GPC6: variants seen among roughly 807,000 people sequenced by gnomAD.
The protein encoded by GPC6 is glypican 6, also known as glypican-6.
A neutral mutation model predicts 55.2 loss-of-function variants in GPC6; 14 were observed. The observed-to-expected ratio is 0.25, with a 90% CI of 0.17 to 0.40. The LOEUF (loss-of-function observed/expected upper bound fraction) is 0.40, where lower values mean the gene tolerates loss of function less well. Among genes scored for constraint, GPC6 ranks in the 10% least tolerant of loss-of-function variants. The pLI is 1.00. For synonymous variants in GPC6, 278 were observed against 259.6 expected (o/e 1.07, Z -0.68); for missense variants, 641 against 708.5 (o/e 0.90, Z 1.08).
chr13:93,682,844 CAAA>C (rs34479352), intron 2 of GPC6, among the ~76,000 whole-genome samples: 1 of 108,856 alleles, frequency 9.2e-6, no homozygotes, highest in Non-Finnish European at 1.8e-5. Context: ...CCTGTCTCTA[CAAA>C]AAAAAAAAAA....
chr13:94,257,811 C>T (rs146408379), intron 4 of GPC6, among the ~76,000 whole-genome samples: 51 of 152,250 alleles, frequency 3.3e-4, no homozygotes, highest in Non-Finnish European at 7.4e-5. Flanking sequence ...CCCCATTTCC[C>T]GTATTGAGAA....
chr13:93,762,912 A>T (rs1014961016), intron 2 of GPC6, among the ~76,000 whole-genome samples: 20 of 152,320 alleles, frequency 1.3e-4, no homozygotes, highest in African/African-American at 4.3e-4. Flanking sequence ...TGCCAAGAAG[A>T]CATTGCATAA....
At chr13:93,607,409 C>T (rs1282731943) in intron 2 of GPC6, among the ~76,000 whole-genome samples, 7 of 152,156 alleles carry the variant, frequency 4.6e-5, no homozygotes, top group Admixed American at 4.6e-4. Flanking sequence ...GTAAACAATG[C>T]CAGGTCCTTG....
At chr13:93,642,488 T>C (rs1290648443) in intron 2 of GPC6, among the ~76,000 whole-genome samples, 1 of 152,226 alleles carries the variant, frequency 6.6e-6, no homozygotes, top group East Asian at 1.9e-4. Context: ...GGTAGAATGA[T>C]TTATTGTCCT....
intron 4 of GPC6, among the ~76,000 whole-genome samples, chr13:94,208,108 A>G (rs1050082326): frequency 6.6e-6 from 1 of 152,266 alleles, no homozygotes; most frequent in Non-Finnish European, 1.5e-5. Flanking sequence ...TGTAGGTTGC[A>G]TTCATTTATT....
At chr13:93,785,650 T>A (rs1156396085) in intron 2 of GPC6, among the ~76,000 whole-genome samples, 1 of 152,130 alleles carries the variant, frequency 6.6e-6, no homozygotes, top group Non-Finnish European at 1.5e-5. Context: ...TCACTAGACA[T>A]TTGTTAATTT....
At chr13:93,614,122 A>G (rs915050929) in intron 2 of GPC6, among the ~76,000 whole-genome samples, 1 of 152,198 alleles carries the variant, frequency 6.6e-6, no homozygotes, top group African/African-American at 2.4e-5. Context: ...TTAGACAGCA[A>G]ATTATCGGAA....
intron 2 of GPC6, among the ~76,000 whole-genome samples, chr13:93,655,159 T>C (rs1880608680): frequency 1.3e-5 from 2 of 152,062 alleles, no homozygotes; most frequent in South Asian, 4.1e-4. Context: ...CATAACCAGA[T>C]ATTTTATCAG....
At chr13:93,997,342 A>G (rs1881600800) in intron 3 of GPC6, among the ~76,000 whole-genome samples, 1 of 152,166 alleles carries the variant, frequency 6.6e-6, no homozygotes, top group Non-Finnish European at 1.5e-5. Flanking sequence ...TCTCTTTGGT[A>G]GGATTACTAG....
chr13:94,327,394 T>C lies in GPC6; in HGVS notation c.1152+21271T>C, dbSNP rs116541741. On this transcript the variant is annotated intron_variant, in intron 6 of 8. Coordinates refer to ENST00000377047, the MANE Select transcript of GPC6 (RefSeq NM_005708.5). ...TTTTGCGTCTCTTTCCCAGCTCTTC[T>C]CTTCTTCTCTATCCTCTGCACCCAC... Among the ~76,000 whole-genome samples the C allele has an allele frequency of 2.9e-3, 437 of 152,226 alleles. 2 individuals are homozygous for C. Among genetic ancestry groups the C allele is most frequent in the African/African-American group, 9.4e-3 (391 of 41,536 alleles).
At chr13:94,219,411 G>A (rs1890317171) in intron 4 of GPC6, among the ~76,000 whole-genome samples, 1 of 152,094 alleles carries the variant, frequency 6.6e-6, no homozygotes, top group Non-Finnish European at 1.5e-5. Flanking sequence ...AGACACTAGG[G>A]GCTCTTTACA....
At chr13:93,559,089 T>C (rs1424876080) in intron 2 of GPC6, among the ~76,000 whole-genome samples, 1 of 152,172 alleles carries the variant, frequency 6.6e-6, no homozygotes, top group Non-Finnish European at 1.5e-5. Context: ...TATTCTACTT[T>C]TCAGATTTCT....
intron 4 of GPC6, among the ~76,000 whole-genome samples, chr13:94,257,124 T>G (rs1448940020): frequency 2.6e-5 from 4 of 152,196 alleles, no homozygotes; most frequent in Non-Finnish European, 4.4e-5. Context: ...CTCTTTTTAG[T>G]TTTTAGATTA....
chr13:93,348,481 G>C (rs1177800016), intron 1 of GPC6, among the ~76,000 whole-genome samples: 1 of 152,156 alleles, frequency 6.6e-6, no homozygotes, highest in African/African-American at 2.4e-5. Flanking sequence ...TGTATGTAAA[G>C]ATTTTGTTCG....
In GPC6 at chr13:93,752,054, A is replaced by G. The variant is rs183878130; in HGVS notation, c.320-78100A>G. Among the ~76,000 whole-genome samples the G allele has an allele frequency of 1.2e-4, 19 of 152,270 alleles. No individual in the cohort carries two copies. In the East Asian group the frequency reaches 3.7e-3, roughly 29 times the overall value. On this transcript the variant is annotated intron_variant, in intron 2 of 8. Coordinates refer to ENST00000377047, the MANE Select transcript of GPC6 (RefSeq NM_005708.5). ...TGTTTCTGATGAGCATACTGAGTATAATAGTCCAGAAAAAAATCTATGAAC... is the reference window on the plus strand; with the variant it reads ...TGTTTCTGATGAGCATACTGAGTATGATAGTCCAGAAAAAAATCTATGAAC...
intron 1 of GPC6, among the ~76,000 whole-genome samples, chr13:93,529,997 T>C (rs984005589): frequency 6.6e-6 from 1 of 152,236 alleles, no homozygotes; most frequent in African/African-American, 2.4e-5. Context: ...TAACTTTTAT[T>C]GCAGAACCTC....
At chr13:93,856,152 C>T (rs1040581201) in intron 3 of GPC6, among the ~76,000 whole-genome samples, 2 of 151,492 alleles carry the variant, frequency 1.3e-5, no homozygotes, top group Admixed American at 1.3e-4. Context: ...TCAGTTCTCT[C>T]CTTCAGGCTC....
At chr13:93,336,156 C>A (rs1880038532) in intron 1 of GPC6, among the ~76,000 whole-genome samples, 1 of 152,274 alleles carries the variant, frequency 6.6e-6, no homozygotes, top group Non-Finnish European at 1.5e-5. Flanking sequence ...ACTTGTTCTG[C>A]ACTTGGAATT....
chr13:94,167,614 G>A (rs905961648), intron 4 of GPC6, among the ~76,000 whole-genome samples: 1 of 152,124 alleles, frequency 6.6e-6, no homozygotes, highest in African/African-American at 2.4e-5. Flanking sequence ...GAGAAGGGTA[G>A]GAATTTTCTA....
Sources: gnomAD v4.1 joint callset for allele counts (sites outside exome capture counted in the v4.1 genomes callset) on GRCh38, gnomAD v4.1.1 for gene constraint, MANE v1.5 for transcripts, NCBI Gene and HGNC (gene_info 2026-07-23, HGNC 2026-07-21) for gene names.